Variants in CCBE1 observed in about 807,000 individuals in gnomAD.
CCBE1 encodes the protein collagen and calcium-binding EGF domain-containing protein 1.
CCBE1 carries 37 observed loss-of-function variants against 50.0 expected under a neutral mutation model. That is an observed-to-expected ratio of 0.74 (90% CI 0.57 to 0.97). CCBE1 has a LOEUF of 0.97. Among genes scored for constraint, CCBE1 ranks in the 50% least tolerant of loss-of-function variants. The pLI, the probability that CCBE1 is intolerant of heterozygous loss-of-function variation, is 0.00. For synonymous variants in CCBE1, 234 were observed against 203.7 expected (o/e 1.15, Z -1.27); for missense variants, 538 against 523.8 (o/e 1.03, Z -0.26).
intron 2 of CCBE1, among the ~76,000 whole-genome samples, chr18:59,495,041 T>G (rs1250285867): frequency 1.3e-5 from 2 of 152,154 alleles, no homozygotes; most frequent in East Asian, 3.9e-4. Context: ...CTTGTGGGGC[T>G]GAGGCAGGAT....
At chr18:59,545,905 C>T (rs946137641) in intron 2 of CCBE1, among the ~76,000 whole-genome samples, 4 of 152,120 alleles carry the variant, frequency 2.6e-5, no homozygotes, top group African/African-American at 7.3e-5. Flanking sequence ...TCCAATTAAA[C>T]CTCTTTTTCT....
At chr18:59,575,406 C>T (rs2052980176) in intron 2 of CCBE1, among the ~76,000 whole-genome samples, 1 of 152,124 alleles carries the variant, frequency 6.6e-6, no homozygotes, top group Admixed American at 6.6e-5. Flanking sequence ...TCTAGGTTAT[C>T]CACAAAGCTG....
chr18:59,543,844 A>AC (rs1233333986), intron 2 of CCBE1, among the ~76,000 whole-genome samples: 1 of 147,480 alleles, frequency 6.8e-6, no homozygotes, highest in African/African-American at 2.5e-5. Context: ...CAAAAAAAAA[A>AC]AAAAAAAAAA....
chr18:59,498,416 AATGGT>A (rs1221294274), intron 2 of CCBE1, among the ~76,000 whole-genome samples: 2 of 152,176 alleles, frequency 1.3e-5, no homozygotes, highest in African/African-American at 4.8e-5. Flanking sequence ...GTCCTTCATA[AATGGT>A]TCAAATGTAA....
intron 2 of CCBE1, among the ~76,000 whole-genome samples, chr18:59,675,537 T>C (rs1271592231): frequency 6.6e-6 from 1 of 152,216 alleles, no homozygotes; most frequent in Non-Finnish European, 1.5e-5. Context: ...AAGACTTTTC[T>C]ACAAAGCCAA....
At chr18:59,551,926 T>C (rs984918372) in intron 2 of CCBE1, among the ~76,000 whole-genome samples, 2 of 152,224 alleles carry the variant, frequency 1.3e-5, no homozygotes, top group African/African-American at 4.8e-5. Context: ...ACTCAGTGGC[T>C]GAAAACCAGC....
chr18:59,686,460 C>T (rs751694208), intron 2 of CCBE1, among the ~76,000 whole-genome samples: 3 of 152,176 alleles, frequency 2.0e-5, no homozygotes, highest in Non-Finnish European at 4.4e-5. Context: ...CATGCACCTG[C>T]GTGTGACCTT....
intron 7 of CCBE1, among the ~76,000 whole-genome samples, chr18:59,441,418 C>A (rs8092414): frequency 0.82 from 124,315 of 151,020 alleles, 51,197 homozygotes; most frequent in South Asian, 0.91. Context: ...GCTGAAGCGG[C>A]GGTTGCAGTG....
At chr18:59,681,604 G>T (rs993480403) in intron 2 of CCBE1, among the ~76,000 whole-genome samples, 6 of 152,282 alleles carry the variant, frequency 3.9e-5, no homozygotes, top group Non-Finnish European at 8.8e-5. Flanking sequence ...AGTGAAATGC[G>T]AGCCAGCCAG....
In CCBE1 at chr18:59,601,010, G is replaced by GTTTTTTTTTTTTTT. The variant is rs71177045; in HGVS notation, c.212+95605_212+95618dup. ...GATCTATTTTATTAGCTATGTGTCA[G>GTTTTTTTTTTTTTT]TTTTTTTTTTTTTTTTTTTTTTTTT... is the stretch of plus-strand genomic sequence containing the variant. On this transcript the variant is annotated intron_variant, in intron 2 of 10. Transcript: ENST00000439986. Among the ~76,000 whole-genome samples the GTTTTTTTTTTTTTT allele has an allele frequency of 7.6e-4, 44 of 58,012 alleles. 16 individuals carry two copies. The highest frequency in any genetic ancestry group is 1.2e-3 in the Non-Finnish European group (33 of 28,344). The allele number at this position is 58,012 out of a possible 152,430, so 38.1% of individuals were successfully genotyped here. A position where few individuals can be genotyped will look rare whatever the true frequency, so the allele number is the denominator to read the frequency against.
At chr18:59,584,343 A>C (rs1415742556) in intron 2 of CCBE1, among the ~76,000 whole-genome samples, 20 of 114,464 alleles carry the variant, frequency 1.7e-4, no homozygotes, top group Non-Finnish European at 2.9e-4. Flanking sequence ...CACTCTGGGG[A>C]CTGTTGTGGG....
At chr18:59,454,979 T>A (rs923685994) in intron 5 of CCBE1, 28 bp from the exon 6 acceptor site, 1 of 1,585,050 alleles carries the variant, frequency 6.3e-7, no homozygotes, top group Middle Eastern at 1.7e-4. Flanking sequence ...CTCAGTCCTG[T>A]CTGGGAGGCT....
chr18:59,444,876 CT>C (rs1910603400), intron 7 of CCBE1, among the ~76,000 whole-genome samples: 1 of 152,092 alleles, frequency 6.6e-6, no homozygotes, highest in Non-Finnish European at 1.5e-5. Flanking sequence ...TATTCAAGTC[CT>C]TTTCCCATCT....
At chr18:59,436,494 G>T (rs565697540) in intron 10 of CCBE1, among the ~76,000 whole-genome samples, 1 of 152,284 alleles carries the variant, frequency 6.6e-6, no homozygotes, top group South Asian at 2.1e-4. Context: ...GGTTCTGTTG[G>T]ATTTGAATCT....
rs1283259082 is a variant in CCBE1, at chr18:59,475,748, C to T, written c.265+4438G>A. On this transcript the variant is annotated intron_variant, in intron 3 of 10. Transcript: ENST00000439986. ...TATTTATTTTTTTGAGATGGAGTCT[C>T]GTTCTGTCACCCAGGCTGGAGTGCG... is the stretch of plus-strand genomic sequence containing the variant. 6.6e-5 allele frequency among the ~76,000 whole-genome samples: 10 copies of T among 152,106 alleles called. No homozygotes were observed. In the South Asian group the frequency reaches 1.5e-3, roughly 22 times the overall value.
At chr18:59,568,457 A>T (rs1273784990) in intron 2 of CCBE1, 1 of 152,180 alleles carries the variant, frequency 6.6e-6, no homozygotes, top group African/African-American at 2.4e-5. Flanking sequence ...ACCTTTTTCT[A>T]TGTGGCCTCC....
chr18:59,601,405 C>T (rs2053432177), intron 2 of CCBE1, among the ~76,000 whole-genome samples: 1 of 152,050 alleles, frequency 6.6e-6, no homozygotes, highest in Admixed American at 6.6e-5. Flanking sequence ...GGGCAGTTCC[C>T]CTGCACACAC....
At chr18:59,573,854 C>T (rs1458398785) in intron 2 of CCBE1, among the ~76,000 whole-genome samples, 3 of 152,172 alleles carry the variant, frequency 2.0e-5, no homozygotes, top group Non-Finnish European at 2.9e-5. Flanking sequence ...TATTTACATG[C>T]TTAGCTTTCC....
intron 2 of CCBE1, among the ~76,000 whole-genome samples, chr18:59,617,338 A>T (rs529939826): frequency 2.0e-5 from 3 of 152,222 alleles, no homozygotes; most frequent in Non-Finnish European, 4.4e-5. Context: ...TACAAATCCT[A>T]GTCTTAGATT....
Sources: allele counts gnomAD v4.1 joint callset (sites outside exome capture counted in the v4.1 genomes callset), GRCh38; gene constraint gnomAD v4.1.1; transcripts MANE v1.5; gene names NCBI Gene and HGNC (gene_info 2026-07-23, HGNC 2026-07-21).